The following GNAQ variants were observed in gnomAD, a reference collection of about 807,000 sequenced individuals.
GNAQ encodes the protein G protein subunit alpha q.
Under a neutral mutation model 43.9 loss-of-function variants are expected in GNAQ, and 8 were observed. That is an observed-to-expected ratio of 0.18 (90% confidence interval 0.11 to 0.33). The LOEUF (loss-of-function observed/expected upper bound fraction) is 0.33, where lower values mean the gene tolerates loss of function less well. Among genes scored for constraint, GNAQ ranks in the 10% least tolerant of loss-of-function variants. The probability of loss-of-function intolerance (pLI) is 1.00; values close to 1 mark genes in which losing one functional copy is unlikely to be tolerated. For missense variants in GNAQ, 158 were observed against 450.8 expected (o/e 0.35, Z 5.88); for synonymous variants, 155 against 170.7 (o/e 0.91, Z 0.71).
At chr9:77,727,708 G>A (rs1825419492) in intron 6 of GNAQ, among the ~76,000 whole-genome samples, 1 of 152,158 alleles carries the variant, frequency 6.6e-6, no homozygotes, top group South Asian at 2.1e-4. Flanking sequence ...ATACTACAGT[G>A]CACAAAACAA....
chr9:77,933,450 G>C (rs1829182224), intron 1 of GNAQ, among the ~76,000 whole-genome samples: 1 of 152,106 alleles, frequency 6.6e-6, no homozygotes, highest in Admixed American at 6.6e-5. Flanking sequence ...TGAATTGCTT[G>C]AGACCAGCCC....
chr9:77,956,894 G>C (rs964958871), intron 1 of GNAQ, among the ~76,000 whole-genome samples: 1 of 152,180 alleles, frequency 6.6e-6, no homozygotes, highest in Non-Finnish European at 1.5e-5. Context: ...ATTCAAGGAA[G>C]CATCATTTAT....
intron 1 of GNAQ, among the ~76,000 whole-genome samples, chr9:77,992,013 G>A (rs368125550): frequency 2.6e-5 from 4 of 152,170 alleles, no homozygotes; most frequent in Admixed American, 1.3e-4. Context: ...ATTGCAAATT[G>A]TGCAGCTATA....
At chr9:77,971,868 T>C (rs1384172794) in intron 1 of GNAQ, among the ~76,000 whole-genome samples, 5 of 152,216 alleles carry the variant, frequency 3.3e-5, no homozygotes, top group South Asian at 2.1e-4. Context: ...TTCACATCCC[T>C]TGTAAGTTGT....
intron 5 of GNAQ, among the ~76,000 whole-genome samples, chr9:77,741,910 T>C (rs1367890927): frequency 6.6e-6 from 1 of 152,196 alleles, no homozygotes; most frequent in African/African-American, 2.4e-5. Context: ...CCTCTCAGCT[T>C]TGGTTTCTGT....
At chr9:77,739,092 G>T (rs1286313384) in intron 5 of GNAQ, among the ~76,000 whole-genome samples, 1 of 151,634 alleles carries the variant, frequency 6.6e-6, no homozygotes, top group African/African-American at 2.4e-5. Flanking sequence ...CTTTCCGCAG[G>T]GGGTGAACAA....
chr9:77,847,137 G>C (rs1304896850), intron 2 of GNAQ, among the ~76,000 whole-genome samples: 1 of 152,210 alleles, frequency 6.6e-6, no homozygotes, highest in Non-Finnish European at 1.5e-5. Flanking sequence ...CCGACAGCCA[G>C]AAGTTTGCTC....
intron 5 of GNAQ, among the ~76,000 whole-genome samples, chr9:77,755,323 A>C (rs1825884303): frequency 6.6e-6 from 1 of 152,194 alleles, no homozygotes; most frequent in Non-Finnish European, 1.5e-5. Flanking sequence ...ACATCAGGGT[A>C]ATTACAGTTA....
At chr9:77,811,068 C>T (rs1231941599) in intron 3 of GNAQ, among the ~76,000 whole-genome samples, 1 of 152,070 alleles carries the variant, frequency 6.6e-6, no homozygotes, top group Non-Finnish European at 1.5e-5. Flanking sequence ...TACACTACAA[C>T]CTTTAAGTAG....
intron 2 of GNAQ, among the ~76,000 whole-genome samples, chr9:77,819,241 A>G (rs770333940): frequency 5.9e-5 from 9 of 152,156 alleles, no homozygotes; most frequent in Non-Finnish European, 1.2e-4. Context: ...AATTCTAGGG[A>G]AAGACCACAT....
rs183141910 is a variant in GNAQ at position 77,860,704 on chromosome 9, G to A, written c.322-44934C>T. Among the ~76,000 whole-genome samples the A allele has an allele frequency of 6.0e-4, 92 of 152,220 alleles. 1 individual carries two copies. The highest frequency in any genetic ancestry group is 2.7e-3 in the Admixed American group (42 of 15,288). Reference sequence around the variant, plus strand: ...CCCGCAGCTCACTGGTCCATGGCGCGGGATGTTCGGGACCCCTTCCATAAC... The same window carrying A: ...CCCGCAGCTCACTGGTCCATGGCGCAGGATGTTCGGGACCCCTTCCATAAC... On this transcript the variant is annotated intron_variant, in intron 2 of 6. Transcript: ENST00000286548.
chr9:77,862,177 A>G (rs1827865750), intron 2 of GNAQ, among the ~76,000 whole-genome samples: 1 of 151,388 alleles, frequency 6.6e-6, no homozygotes, highest in Non-Finnish European at 1.5e-5. Flanking sequence ...CGGTGAATCT[A>G]CCACTCTGGG....
Position 77,815,736 on chromosome 9 carries a change from T to C in GNAQ, c.356A>G (p.Glu119Gly). The C allele has an allele frequency of 6.2e-7, 1 of 1,611,388 alleles. No homozygotes were observed. Among genetic ancestry groups the C allele is most frequent in the Non-Finnish European group, 8.5e-7 (1 of 1,177,806 alleles). ...TGGATTCTCAAAAGCAGACACCTTC[T>C]CCACATCAACTTCTCGAACTAATTG... ...HAQLVREVDVEKVSAFENPYV... is the reference protein window; with the variant it reads ...HAQLVREVDVGKVSAFENPYV... Residue 119 changes from glutamate (E) to glycine (G), a missense_variant, in exon 3 of 7, where the codon GAG (glutamate) becomes GGG (glycine). By Grantham distance (98) the Glu-to-Gly change is moderately conservative (BLOSUM62 -2). Transcript: ENST00000286548.
At chr9:77,856,932 G>A (rs1485495588) in intron 2 of GNAQ, among the ~76,000 whole-genome samples, 4 of 152,156 alleles carry the variant, frequency 2.6e-5, no homozygotes, top group African/African-American at 9.7e-5. Context: ...TTGTAAAGAG[G>A]GTGGAAATAG....
chr9:77,940,108 G>C (rs1411165677), intron 1 of GNAQ, among the ~76,000 whole-genome samples: 1 of 152,138 alleles, frequency 6.6e-6, no homozygotes, highest in Non-Finnish European at 1.5e-5. Flanking sequence ...AAGTATTCTG[G>C]AATAGAAGAA....
intron 1 of GNAQ, among the ~76,000 whole-genome samples, chr9:77,950,553 T>A (rs1310449147): frequency 6.6e-6 from 1 of 152,140 alleles, no homozygotes; most frequent in Non-Finnish European, 1.5e-5. Context: ...AACAAAAACA[T>A]CTGTACTGAT....
chr9:77,817,997 CA>C (rs1226423211), intron 2 of GNAQ, among the ~76,000 whole-genome samples: 4 of 149,920 alleles, frequency 2.7e-5, no homozygotes, highest in Non-Finnish European at 4.4e-5. Flanking sequence ...CTTTTGACTG[CA>C]AAAAACAAAA....
intron 5 of GNAQ, among the ~76,000 whole-genome samples, chr9:77,789,670 T>C (rs187155042): frequency 6.6e-6 from 1 of 152,288 alleles, no homozygotes; most frequent in East Asian, 1.9e-4. Flanking sequence ...ATTACAAATA[T>C]TGCATTATAT....
At chr9:77,959,197 G>A (rs1047749230) in intron 1 of GNAQ, among the ~76,000 whole-genome samples, 6 of 152,108 alleles carry the variant, frequency 3.9e-5, no homozygotes, top group African/African-American at 1.2e-4. Context: ...AATTTACCTT[G>A]TAAAGTTTTT....
Sources: allele counts gnomAD v4.1 joint callset (sites outside exome capture counted in the v4.1 genomes callset), GRCh38; gene constraint gnomAD v4.1.1; transcripts MANE v1.5; gene names NCBI Gene and HGNC (gene_info 2026-07-23, HGNC 2026-07-21).